The following SLC39A11 variants were observed in gnomAD, a reference collection of about 807,000 sequenced individuals.
SLC39A11 encodes zinc transporter ZIP11.
A neutral mutation model predicts 36.1 loss-of-function variants in SLC39A11; 33 were observed. The observed-to-expected ratio is 0.91, with a 90% CI of 0.69 to 1.22. The LOEUF (loss-of-function observed/expected upper bound fraction) is 1.22, where lower values mean the gene tolerates loss of function less well. Ranked by LOEUF, SLC39A11 falls within the 50% of genes most tolerant of loss-of-function variation. The probability of loss-of-function intolerance (pLI) is 0.00; values close to 1 mark genes in which losing one functional copy is unlikely to be tolerated. For missense variants in SLC39A11, 432 were observed against 430.3 expected (o/e 1.00, Z -0.03); for synonymous variants, 166 against 170.3 (o/e 0.97, Z 0.20).
At chr17:72,979,863 C>G (rs868407573) in intron 4 of SLC39A11, among the ~76,000 whole-genome samples, 3 of 152,168 alleles carry the variant, frequency 2.0e-5, no homozygotes, top group Non-Finnish European at 4.4e-5. Flanking sequence ...CCTCCCATAA[C>G]CTGCTCCCCA....
chr17:72,882,360 T>TAAAAA, intron 5 of SLC39A11, among the ~76,000 whole-genome samples: 1 of 126,278 alleles, frequency 7.9e-6, no homozygotes, highest in Non-Finnish European at 1.7e-5. Context: ...TTCCTATATC[T>TAAAAA]AAAAAAAAAA....
intron 5 of SLC39A11, among the ~76,000 whole-genome samples, chr17:72,882,797 C>CTTTTT: frequency 1.6e-5 from 1 of 60,610 alleles, no homozygotes; most frequent in Non-Finnish European, 2.8e-5. Context: ...GAGAATGCTT[C>CTTTTT]TTTTTTTTTT....
chr17:72,794,121 T>C (rs1398357800), intron 6 of SLC39A11, among the ~76,000 whole-genome samples: 2 of 152,018 alleles, frequency 1.3e-5, no homozygotes, highest in African/African-American at 4.8e-5. Context: ...GAAAATGAGA[T>C]TTTGCACCTT....
At chr17:72,861,167 T>C (rs1171031401) in intron 5 of SLC39A11, among the ~76,000 whole-genome samples, 1 of 152,194 alleles carries the variant, frequency 6.6e-6, no homozygotes, top group East Asian at 1.9e-4. Context: ...TAAGATTTGG[T>C]GCAGAATTTT....
chr17:73,091,662 C>T lies in SLC39A11; in HGVS notation c.-12+949G>A, dbSNP rs187382800. Reference sequence around the variant, plus strand: ...TCTCTAACCGGCAGACCAGTAACAACTTTAGGACACAGCATCTCCATCACA... The same window carrying T: ...TCTCTAACCGGCAGACCAGTAACAATTTTAGGACACAGCATCTCCATCACA... On this transcript the variant is annotated intron_variant, in intron 1 of 9. Coordinates refer to ENST00000255559, the MANE Select transcript of SLC39A11 (RefSeq NM_139177.4). 4.6e-5 allele frequency among the ~76,000 whole-genome samples: 7 copies of T among 152,262 alleles called. 1 individual carries two copies. The highest frequency in any genetic ancestry group is 4.6e-4 in the Admixed American group (7 of 15,306).
chr17:72,877,831 T>C (rs1361010488), intron 5 of SLC39A11, among the ~76,000 whole-genome samples: 1 of 151,560 alleles, frequency 6.6e-6, no homozygotes, highest in Non-Finnish European at 1.5e-5. Context: ...TTATTATTAT[T>C]ATTATACTTT....
intron 2 of SLC39A11, among the ~76,000 whole-genome samples, chr17:73,086,738 T>G (rs1171497562): frequency 6.6e-6 from 1 of 152,170 alleles, no homozygotes; most frequent in Non-Finnish European, 1.5e-5. Flanking sequence ...GACGATCACT[T>G]GAACCCAGGA....
intron 5 of SLC39A11, among the ~76,000 whole-genome samples, chr17:72,882,900 G>A (rs977740676): frequency 6.7e-6 from 1 of 149,450 alleles, no homozygotes; most frequent in Non-Finnish European, 1.5e-5. Context: ...AGGTTCAAGC[G>A]ATTCTCCTGC....
chr17:72,755,142 G>C (rs1000082594), intron 6 of SLC39A11, among the ~76,000 whole-genome samples: 2 of 152,230 alleles, frequency 1.3e-5, no homozygotes, highest in African/African-American at 2.4e-5. Context: ...GGAAGAGAGA[G>C]AACTGCTAAG....
chr17:73,038,269 T>TA (rs142076029), intron 3 of SLC39A11, among the ~76,000 whole-genome samples: 6,337 of 152,018 alleles, frequency 0.042, 180 homozygotes, highest in East Asian at 0.062. Context: ...GCAAAAGGGC[T>TA]AAGGAGGAAA....
At position 73,040,233 on chromosome 17, in the gene SLC39A11, G is replaced by T. The variant is rs547275708; in HGVS notation, c.148-8519C>A. On this transcript the variant is annotated intron_variant, in intron 3 of 9. Transcript: ENST00000255559. Reference sequence around the variant, plus strand: ...AAACTTAAACCCATTAATATCCCATGACTTCCTTAGAAGTAGGTAGAGAAA... The same window carrying T: ...AAACTTAAACCCATTAATATCCCATTACTTCCTTAGAAGTAGGTAGAGAAA... 5.9e-4 allele frequency among the ~76,000 whole-genome samples: 90 copies of T among 152,314 alleles called. 1 individual carries two copies. The highest frequency in any genetic ancestry group is 2.1e-3 in the African/African-American group (89 of 41,574).
At chr17:72,986,385 G>C (rs1303027649) in intron 4 of SLC39A11, among the ~76,000 whole-genome samples, 1 of 152,208 alleles carries the variant, frequency 6.6e-6, no homozygotes, top group African/African-American at 2.4e-5. Context: ...AAGCCCCGGT[G>C]AAGCTTTTTA....
At position 72,647,561 on chromosome 17, in the gene SLC39A11, C is replaced by G. The variant is rs369426849; in HGVS notation, c.*23G>C. ...CTGCTGTTTCTTCGTATGGCCTTTC[C>G]CGGGGTCCGAAGCGTCTCAGCCCTA... On this transcript the variant is annotated 3_prime_UTR_variant, in exon 10 of 10. Coordinates refer to ENST00000255559, the MANE Select transcript of SLC39A11 (RefSeq NM_139177.4). 6.2e-6 allele frequency: 10 copies of G among 1,608,646 alleles called. No homozygotes were observed. Among genetic ancestry groups the G allele is most frequent in the African/African-American group, 1.3e-5 (1 of 74,750 alleles).
intron 4 of SLC39A11, among the ~76,000 whole-genome samples, chr17:72,975,927 T>A (rs1362062961): frequency 2.6e-5 from 4 of 151,978 alleles, no homozygotes; most frequent in Non-Finnish European, 5.9e-5. Flanking sequence ...TTCCAGCACT[T>A]TGGGAGGCTG....
intron 4 of SLC39A11, among the ~76,000 whole-genome samples, chr17:72,995,804 A>G (rs1232711697): frequency 2.6e-5 from 4 of 152,202 alleles, no homozygotes; most frequent in Non-Finnish European, 4.4e-5. Flanking sequence ...CTCACAGACA[A>G]CAGATCTCAG....
intron 3 of SLC39A11, among the ~76,000 whole-genome samples, chr17:73,058,953 A>G (rs934164314): frequency 2.0e-5 from 3 of 151,762 alleles, no homozygotes; most frequent in Non-Finnish European, 4.4e-5. Context: ...TTAAATAATA[A>G]CTGTTAAAAA....
At chr17:72,691,657 C>T (rs1185461476) in intron 7 of SLC39A11, among the ~76,000 whole-genome samples, 1 of 152,206 alleles carries the variant, frequency 6.6e-6, no homozygotes, top group Non-Finnish European at 1.5e-5. Flanking sequence ...GAACCTGTGG[C>T]ATTTTGGAGA....
chr17:72,742,650 A>T (rs189420911), intron 6 of SLC39A11, among the ~76,000 whole-genome samples: 68 of 152,158 alleles, frequency 4.5e-4, no homozygotes, highest in African/African-American at 1.5e-3. Context: ...TTTGTTAAAA[A>T]TTTTCCTTTT....
intron 5 of SLC39A11, among the ~76,000 whole-genome samples, chr17:72,853,600 G>A (rs369786388): frequency 6.6e-6 from 1 of 151,990 alleles, no homozygotes. Context: ...AAAAATGCAC[G>A]CCTGGCCCCA....
Sources: allele counts gnomAD v4.1 joint callset (sites outside exome capture counted in the v4.1 genomes callset), GRCh38; gene constraint gnomAD v4.1.1; transcripts MANE v1.5; gene names NCBI Gene and HGNC (gene_info 2026-07-23, HGNC 2026-07-21).